Variants in TAF4B observed in about 807,000 individuals in gnomAD.
TAF4B encodes the protein TATA-box binding protein associated factor 4b.
TAF4B carries 38 observed loss-of-function variants against 86.4 expected under a neutral mutation model. The observed-to-expected ratio is 0.44, with a 90% CI of 0.34 to 0.58. TAF4B has a LOEUF of 0.58. Ranked by LOEUF, TAF4B falls within the 20% of genes least tolerant of loss-of-function variation. The probability of loss-of-function intolerance (pLI) is 0.02; values close to 1 mark genes in which losing one functional copy is unlikely to be tolerated. For missense variants in TAF4B, 988 were observed against 1,027.6 expected (o/e 0.96, Z 0.53); for synonymous variants, 388 against 391.2 (o/e 0.99, Z 0.10).
At chr18:26,324,379 T>C (rs2056987644) in intron 11 of TAF4B, among the ~76,000 whole-genome samples, 1 of 152,182 alleles carries the variant, frequency 6.6e-6, no homozygotes, top group Non-Finnish European at 1.5e-5. Context: ...CCCAAAGTGT[T>C]GGGATTACAA....
At position 26,346,907 on chromosome 18, in the gene TAF4B, G is replaced by GTGTATGTGTATATA. The variant is rs1171773933; in HGVS notation, c.2317-10782_2317-10781insGTATGTGTATATAT. On this transcript the variant is annotated intron_variant, in intron 13 of 14. Coordinates refer to ENST00000269142, the MANE Select transcript of TAF4B (RefSeq NM_005640.3). ...TATATATATATATATATATGTGTGT[G>GTGTATGTGTATATA]TATATATATATATATAGTTTTTTGT... Among the ~76,000 whole-genome samples, 5 of 11,216 alleles carry GTGTATGTGTATATA rather than the reference G, an allele frequency of 4.5e-4. 1 individual carries two copies. Among genetic ancestry groups the GTGTATGTGTATATA allele is most frequent in the African/African-American group, 9.1e-4 (5 of 5,480 alleles). 7.4% of individuals were successfully genotyped at this position (11,216 alleles called of 152,430 possible). A position where few individuals can be genotyped will look rare whatever the true frequency, so the allele number is the denominator to read the frequency against.
At chr18:26,342,386 T>C (rs2057143762) in intron 13 of TAF4B, among the ~76,000 whole-genome samples, 1 of 152,216 alleles carries the variant, frequency 6.6e-6, no homozygotes, top group Admixed American at 6.5e-5. Flanking sequence ...CCTGTTCCTG[T>C]CCAGGCTGTT....
At chr18:26,374,437 G>A (rs72881875) in intron 14 of TAF4B, among the ~76,000 whole-genome samples, 2,536 of 152,228 alleles carry the variant, frequency 0.017, 29 homozygotes, top group Non-Finnish European at 0.026. Flanking sequence ...ATTCCATAAT[G>A]TTGTACCTGT....
At chr18:26,352,223 ACT>A (rs1484300946) in intron 13 of TAF4B, among the ~76,000 whole-genome samples, 1 of 151,934 alleles carries the variant, frequency 6.6e-6, no homozygotes, top group Non-Finnish European at 1.5e-5. Flanking sequence ...AAAGATAGAG[ACT>A]CTCAGGATGG....
At chr18:26,312,188 ACTT>A (rs1355428500) in intron 9 of TAF4B, among the ~76,000 whole-genome samples, 6 of 152,222 alleles carry the variant, frequency 3.9e-5, no homozygotes, top group Non-Finnish European at 8.8e-5. Context: ...ATTCTTACTT[ACTT>A]CTTGAAAATT....
At chr18:26,369,668 C>G (rs1286899078) in intron 14 of TAF4B, among the ~76,000 whole-genome samples, 1 of 152,226 alleles carries the variant, frequency 6.6e-6, no homozygotes, top group Non-Finnish European at 1.5e-5. Context: ...TCCTTAGCTC[C>G]TCTTCTCTTT....
chr18:26,275,549 T>C (rs1006391734), intron 5 of TAF4B, among the ~76,000 whole-genome samples: 3 of 152,246 alleles, frequency 2.0e-5, no homozygotes, highest in African/African-American at 7.2e-5. Flanking sequence ...AAAAACCTAT[T>C]GTATATTTCT....
intron 9 of TAF4B, among the ~76,000 whole-genome samples, chr18:26,297,573 A>G (rs528066560): frequency 1.9e-4 from 29 of 152,248 alleles, no homozygotes; most frequent in South Asian, 1.2e-3. Context: ...CATATCATCA[A>G]TATTCACACA....
intron 1 of TAF4B, among the ~76,000 whole-genome samples, chr18:26,263,943 A>T (rs909813727): frequency 1.3e-5 from 2 of 152,162 alleles, no homozygotes; most frequent in Non-Finnish European, 2.9e-5. Flanking sequence ...TTCTTAATAC[A>T]CCTGGTTTTT....
chr18:26,344,448 C>G (rs1188003577), intron 13 of TAF4B, among the ~76,000 whole-genome samples: 2 of 150,954 alleles, frequency 1.3e-5, no homozygotes, highest in Non-Finnish European at 3.0e-5. Flanking sequence ...AACTTAAAAT[C>G]CTATATATCA....
chr18:26,247,292 T>G (rs1173647761), intron 1 of TAF4B, among the ~76,000 whole-genome samples: 2 of 152,180 alleles, frequency 1.3e-5, no homozygotes, highest in Non-Finnish European at 2.9e-5. Context: ...GGAACACCAT[T>G]TATGTGGAAT....
At chr18:26,271,040 A>G (rs1269101711) in intron 3 of TAF4B, among the ~76,000 whole-genome samples, 1 of 152,220 alleles carries the variant, frequency 6.6e-6, no homozygotes, top group Admixed American at 6.5e-5. Flanking sequence ...GGTAGCCTAG[A>G]ACAGTGGAAA....
chr18:26,363,975 CAT>C (rs1417045406), intron 14 of TAF4B, among the ~76,000 whole-genome samples: 10 of 152,166 alleles, frequency 6.6e-5, no homozygotes, highest in African/African-American at 2.2e-4. Context: ...CATTCAAAAA[CAT>C]AGCACTTTAA....
intron 1 of TAF4B, among the ~76,000 whole-genome samples, chr18:26,228,421 T>C (rs2055612351): frequency 1.3e-5 from 2 of 152,230 alleles, no homozygotes; most frequent in Non-Finnish European, 2.9e-5. Context: ...TTATATGGTA[T>C]ACAAGGTATG....
Position 26,286,416 on chromosome 18 carries a change from C to T in TAF4B, c.1507C>T (p.Pro503Ser), listed in dbSNP as rs749184160. ...ATCTGACAAGCCTGTTATTGGGACT[C>T]CAGTTCAAATCAAACTTGCCCAGCC... is the stretch of plus-strand genomic sequence containing the variant. ...TTSDKPVIGT[P>S]VQIKLAQPGP... is the part of the protein sequence containing the mutation. Residue 503 changes from proline (P) to serine (S), a missense_variant, in exon 7 of 15, where the codon CCA becomes TCA. Around this residue, in one of 3 missense-constraint regions of TAF4B, gnomAD observed 747 missense variants for 737.9 expected, o/e 1.01. Coordinates refer to ENST00000269142, the MANE Select transcript of TAF4B (RefSeq NM_005640.3). 8 of 1,614,206 alleles carry T rather than the reference C, an allele frequency of 5.0e-6. No individual in the cohort carries two copies. The South Asian group carries it at 7.7e-5, about 16-fold the overall frequency.
intron 3 of TAF4B, among the ~76,000 whole-genome samples, chr18:26,269,976 T>C (rs2056292456): frequency 6.6e-6 from 1 of 152,246 alleles, no homozygotes; most frequent in African/African-American, 2.4e-5. Context: ...TACTATCATA[T>C]TGTTTTATGA....
intron 9 of TAF4B, among the ~76,000 whole-genome samples, 161 bp downstream of exon 9, chr18:26,293,692 A>G (rs555329039): frequency 6.6e-6 from 1 of 152,310 alleles, no homozygotes; most frequent in East Asian, 1.9e-4. Flanking sequence ...ATGCACAACT[A>G]TTAAATGTAC....
chr18:26,339,073 T>C (rs2057115774), intron 13 of TAF4B, among the ~76,000 whole-genome samples: 1 of 152,218 alleles, frequency 6.6e-6, no homozygotes, highest in South Asian at 2.1e-4. Flanking sequence ...CCAGCTGATA[T>C]GTCTGTGGAT....
intron 14 of TAF4B, among the ~76,000 whole-genome samples, chr18:26,372,741 C>CGG (rs1298967158): frequency 6.6e-6 from 1 of 151,928 alleles, no homozygotes; most frequent in Non-Finnish European, 1.5e-5. Context: ...GAGGCTGAGG[C>CGG]GGGTGGATCA....
Sources: allele counts gnomAD v4.1 joint callset (sites outside exome capture counted in the v4.1 genomes callset), GRCh38; gene constraint gnomAD v4.1.1; regional missense constraint gnomAD v4.1.1; transcripts MANE v1.5; gene names NCBI Gene and HGNC (gene_info 2026-07-23, HGNC 2026-07-21).